Variants in SLC2A9 observed in about 807,000 individuals in gnomAD.
SLC2A9 encodes solute carrier family 2 member 9, also known as solute carrier family 2, facilitated glucose transporter member 9.
Under a neutral mutation model 50.6 loss-of-function variants are expected in SLC2A9, and 39 were observed. The ratio of observed to expected loss-of-function variants is 0.77; its 90% CI spans 0.60 to 1.01. The LOEUF (loss-of-function observed/expected upper bound fraction) is 1.01. SLC2A9 is among the 50% of genes least tolerant of loss of function. The pLI, the probability that SLC2A9 is intolerant of heterozygous loss-of-function variation, is 0.00. For synonymous variants in SLC2A9, 324 were observed against 276.9 expected (o/e 1.17, Z -1.69); for missense variants, 686 against 677.6 (o/e 1.01, Z -0.14).
At chr4:9,980,248 C>A (rs971614528) in intron 5 of SLC2A9, among the ~76,000 whole-genome samples, 5 of 152,122 alleles carry the variant, frequency 3.3e-5, no homozygotes, top group African/African-American at 1.2e-4. Context: ...GGTTGTAGAA[C>A]AATGTGTATG....
At chr4:9,801,229 A>G (rs1519097) in intron 3 of SLC2A9, among the ~76,000 whole-genome samples, 63,765 of 151,866 alleles carry the variant, frequency 0.42, 14,551 homozygotes, top group East Asian at 0.64. Flanking sequence ...TTTCCCCACC[A>G]TCTCTCAGCC....
chr4:9,809,088 C>T (rs1490824975), intron 3 of SLC2A9, among the ~76,000 whole-genome samples: 1 of 152,104 alleles, frequency 6.6e-6, no homozygotes, highest in African/African-American at 2.4e-5. Flanking sequence ...TTCATTTTCT[C>T]GACATGATGT....
intron 10 of SLC2A9, among the ~76,000 whole-genome samples, chr4:9,845,865 T>C (rs1160632180): frequency 6.6e-6 from 1 of 152,242 alleles, no homozygotes; most frequent in East Asian, 1.9e-4. Flanking sequence ...CTCTTTTCTT[T>C]TATTGAAATA....
intron 1 of SLC2A9, among the ~76,000 whole-genome samples, chr4:10,038,048 G>A (rs1184141915): frequency 6.6e-6 from 1 of 152,150 alleles, no homozygotes; most frequent in African/African-American, 2.4e-5. Context: ...GAAGAGAGTT[G>A]GCCTTGAGAC....
chr4:9,771,972 A>G (rs1489186628), intron 1 of SLC2A9, among the ~76,000 whole-genome samples: 3 of 152,200 alleles, frequency 2.0e-5, no homozygotes, highest in Non-Finnish European at 1.5e-5. Context: ...GCAAGAGATG[A>G]GGCTGGACAA....
chr4:9,876,904 A>C (rs915233254), intron 10 of SLC2A9, among the ~76,000 whole-genome samples: 3 of 152,262 alleles, frequency 2.0e-5, no homozygotes, highest in East Asian at 1.9e-4. Flanking sequence ...TTTTAAGTCT[A>C]GATTTGTGAG....
intron 1 of SLC2A9, among the ~76,000 whole-genome samples, chr4:10,030,583 G>C (rs1763911810): frequency 6.6e-6 from 1 of 152,144 alleles, no homozygotes; most frequent in South Asian, 2.1e-4. Flanking sequence ...GTGGGTGTAG[G>C]GGGGCAGGTG....
chr4:9,843,594 A>G (rs554262348), intron 10 of SLC2A9, among the ~76,000 whole-genome samples: 97 of 152,290 alleles, frequency 6.4e-4, no homozygotes, highest in Middle Eastern at 3.4e-3. Context: ...TGCAGGCTCT[A>G]TGTGACCTTG....
intron 5 of SLC2A9, among the ~76,000 whole-genome samples, chr4:9,979,909 C>G (rs1755427974): frequency 6.6e-6 from 1 of 152,128 alleles, no homozygotes; most frequent in African/African-American, 2.4e-5. Context: ...TCTGGTATAT[C>G]CTCTGTCCCA....
intron 1 of SLC2A9, among the ~76,000 whole-genome samples, chr4:10,020,885 C>A (rs1763425595): frequency 6.6e-6 from 1 of 152,234 alleles, no homozygotes; most frequent in Admixed American, 6.5e-5. Flanking sequence ...CCTGTGTGGC[C>A]CGCCTGTGCC....
intron 10 of SLC2A9, among the ~76,000 whole-genome samples, chr4:9,838,103 T>C (rs1427371326): frequency 6.6e-6 from 1 of 152,180 alleles, no homozygotes; most frequent in African/African-American, 2.4e-5. Flanking sequence ...ACTATAATAA[T>C]AATAATCAAG....
chr4:9,895,767 C>T (rs1330827918), intron 8 of SLC2A9, among the ~76,000 whole-genome samples: 1 of 152,192 alleles, frequency 6.6e-6, no homozygotes, highest in Non-Finnish European at 1.5e-5. Flanking sequence ...AATGTATATA[C>T]CTTATAACCA....
intron 3 of SLC2A9, among the ~76,000 whole-genome samples, chr4:9,990,746 G>A (rs762684669): frequency 1.3e-4 from 20 of 152,158 alleles, no homozygotes; most frequent in South Asian, 8.3e-4. Flanking sequence ...CTGCCGTCCC[G>A]AAGTCTTCTG....
intron 5 of SLC2A9, among the ~76,000 whole-genome samples, chr4:9,970,306 A>C (rs1753690875): frequency 6.6e-6 from 1 of 152,226 alleles, no homozygotes; most frequent in African/African-American, 2.4e-5. Flanking sequence ...GGAGCCTTGC[A>C]GAAGTCAGCC....
chr4:9,805,469 C>T (rs1023306232), intron 3 of SLC2A9, among the ~76,000 whole-genome samples: 5 of 152,146 alleles, frequency 3.3e-5, no homozygotes, highest in Admixed American at 1.3e-4. Context: ...GAGGCTGAGG[C>T]GGGTGGATCA....
downstream of SLC2A9, among the ~76,000 whole-genome samples, chr4:9,776,698 T>C (rs1717614716): frequency 6.6e-6 from 1 of 152,284 alleles, no homozygotes; most frequent in Non-Finnish European, 1.5e-5. Context: ...TGCTCCACCA[T>C]AGCGTTCTGG....
chr4:9,920,711 C>G (rs1334196333), intron 6 of SLC2A9, 139 bp from the exon 7 acceptor site: 1 of 925,488 alleles, frequency 1.1e-6, no homozygotes, highest in Admixed American at 2.1e-5. Flanking sequence ...GCCTTTGAAA[C>G]TATGGAGTCC....
downstream of SLC2A9, among the ~76,000 whole-genome samples, chr4:9,795,741 G>T (rs866231993): frequency 1.3e-5 from 2 of 152,146 alleles, no homozygotes; most frequent in African/African-American, 4.8e-5. Flanking sequence ...GGTGAGGGAC[G>T]CATTGCCTTG....
chr4:9,792,026 G>C (rs1232636094), intron 3 of SLC2A9, among the ~76,000 whole-genome samples: 1 of 152,122 alleles, frequency 6.6e-6, no homozygotes, highest in Non-Finnish European at 1.5e-5. Context: ...AAGTCAACCT[G>C]GATGAAAATA....
Sources: allele counts gnomAD v4.1 joint callset (sites outside exome capture counted in the v4.1 genomes callset), GRCh38; gene constraint gnomAD v4.1.1; transcripts MANE v1.5; gene names NCBI Gene and HGNC (gene_info 2026-07-23, HGNC 2026-07-21).